Variants in ACER3 observed in about 807,000 individuals in gnomAD.
ACER3 encodes alkaline ceramidase 3.
Under a neutral mutation model 48.9 loss-of-function variants are expected in ACER3, and 16 were observed. That is an observed-to-expected ratio of 0.33 (90% confidence interval 0.22 to 0.50). The LOEUF is 0.50. ACER3 is among the 20% of genes least tolerant of loss of function. The pLI, the probability that ACER3 is intolerant of heterozygous loss-of-function variation, is 0.98. For synonymous variants in ACER3, 109 were observed against 107.8 expected (o/e 1.01, Z -0.07); for missense variants, 227 against 326.0 (o/e 0.70, Z 2.34).
intron 7 of ACER3, among the ~76,000 whole-genome samples, chr11:77,005,973 A>ATCTC: frequency 1.0e-5 from 1 of 95,246 alleles, no homozygotes; most frequent in Non-Finnish European, 1.9e-5. Flanking sequence ...ATATATATAC[A>ATCTC]TATATATATA....
intron 1 of ACER3, among the ~76,000 whole-genome samples, chr11:76,923,972 A>C (rs531187571): frequency 6.6e-6 from 1 of 152,164 alleles, no homozygotes; most frequent in African/African-American, 2.4e-5. Context: ...AGATTTCCTG[A>C]GTTCTTTCTC....
At chr11:76,918,047 A>G (rs143337113) in intron 1 of ACER3, among the ~76,000 whole-genome samples, 33 of 151,996 alleles carry the variant, frequency 2.2e-4, no homozygotes, top group Non-Finnish European at 4.7e-4. Flanking sequence ...CTTTGTTCCT[A>G]TCACTCTCTT....
At chr11:76,987,184 G>T (rs1321648027) in intron 5 of ACER3, among the ~76,000 whole-genome samples, 1 of 152,234 alleles carries the variant, frequency 6.6e-6, no homozygotes, top group Non-Finnish European at 1.5e-5. Flanking sequence ...GATTACAGGA[G>T]TATGAGACTA....
At chr11:76,929,694 G>A (rs1458826403) in intron 2 of ACER3, among the ~76,000 whole-genome samples, 5 of 152,160 alleles carry the variant, frequency 3.3e-5, no homozygotes, top group African/African-American at 4.8e-5. Context: ...GTTGAATTTC[G>A]TCAAAGGCCT....
Position 77,025,935 on chromosome 11 carries a change from A to G in ACER3, c.*5608A>G, listed in dbSNP as rs1158291441. On this transcript the variant is annotated 3_prime_UTR_variant, in exon 11 of 11. Transcript: ENST00000532485. Reference sequence around the variant, plus strand: ...AATGAAAATATGTTATTCATTTAAGACATCTCATGTCTTTGAATGTAATCA... The same window carrying G: ...AATGAAAATATGTTATTCATTTAAGGCATCTCATGTCTTTGAATGTAATCA... The G allele has an allele frequency of 6.6e-6, 1 of 152,180 alleles. No individual in the cohort carries two copies. The highest frequency in any genetic ancestry group is 2.4e-5 in the African/African-American group (1 of 41,446). 9.4% of individuals were successfully genotyped at this position (152,180 alleles called of 1,614,324 possible).
intron 7 of ACER3, among the ~76,000 whole-genome samples, chr11:77,001,280 G>A (rs1949026318): frequency 6.6e-6 from 1 of 152,028 alleles, no homozygotes; most frequent in Non-Finnish European, 1.5e-5. Context: ...TTTTGAGACA[G>A]AGTCTCGCAC....
At chr11:76,996,719 CTTTTTTTT>C (rs36108857) in intron 6 of ACER3, among the ~76,000 whole-genome samples, 1 of 138,708 alleles carries the variant, frequency 7.2e-6, no homozygotes, top group Non-Finnish European at 1.5e-5. Flanking sequence ...CCCACCCAGC[CTTTTTTTT>C]TTTTTTTTTT....
intron 1 of ACER3, among the ~76,000 whole-genome samples, chr11:76,864,596 AT>A (rs772026324): frequency 0.032 from 3,243 of 99,854 alleles, 88 homozygotes; most frequent in African/African-American, 0.1. Context: ...TGGAATGGGT[AT>A]TTTTTTTTTT....
At chr11:77,006,667 G>A (rs1304597755) in intron 7 of ACER3, among the ~76,000 whole-genome samples, 1 of 146,562 alleles carries the variant, frequency 6.8e-6, no homozygotes, top group Non-Finnish European at 1.5e-5. Flanking sequence ...CACTTCCTCT[G>A]CCCTTCACAT....
At chr11:76,861,647 A>C (rs1311558920) in intron 1 of ACER3, among the ~76,000 whole-genome samples, 1 of 152,160 alleles carries the variant, frequency 6.6e-6, no homozygotes, top group African/African-American at 2.4e-5. Flanking sequence ...CCTATCCCCC[A>C]GGATGTCTTC....
intron 7 of ACER3, among the ~76,000 whole-genome samples, chr11:77,013,619 A>C (rs1949310505): frequency 6.6e-6 from 1 of 152,172 alleles, no homozygotes; most frequent in Non-Finnish European, 1.5e-5. Flanking sequence ...ACACTTATAC[A>C]TGCCTGGTGG....
chr11:76,969,696 C>CA (rs1490078533), intron 3 of ACER3, among the ~76,000 whole-genome samples: 1 of 145,630 alleles, frequency 6.9e-6, no homozygotes, highest in Non-Finnish European at 1.5e-5. Flanking sequence ...ATCACAAGGA[C>CA]AAAAAACCAA....
At chr11:76,938,001 T>G (rs1947240625) in intron 2 of ACER3, among the ~76,000 whole-genome samples, 1 of 152,166 alleles carries the variant, frequency 6.6e-6, no homozygotes, top group African/African-American at 2.4e-5. Context: ...TTTTGTTTTT[T>G]GGGGTTGTTT....
At chr11:77,011,880 T>C (rs1949271546) in intron 7 of ACER3, among the ~76,000 whole-genome samples, 1 of 152,138 alleles carries the variant, frequency 6.6e-6, no homozygotes. Flanking sequence ...CCTATTTATG[T>C]TCTAAAACAA....
intron 7 of ACER3, among the ~76,000 whole-genome samples, chr11:77,010,859 T>C (rs144182536): frequency 1.3e-5 from 2 of 152,310 alleles, no homozygotes; most frequent in East Asian, 1.9e-4. Flanking sequence ...ATTTCTAAGC[T>C]AGAATTCTAC....
chr11:76,960,017 T>C (rs2135044065), intron 3 of ACER3, among the ~76,000 whole-genome samples: 1 of 152,270 alleles, frequency 6.6e-6, no homozygotes, highest in South Asian at 2.1e-4. Flanking sequence ...CAGAAACTTC[T>C]AGAACAGTAG....
chr11:76,990,487 C>G, intron 5 of ACER3, 52 bp from the exon 6 acceptor site: 13,258 of 955,062 alleles, frequency 0.014, no homozygotes, highest in Non-Finnish European at 0.02. Context: ...GTCGGTTTTT[C>G]CCCCCTTCAT....
chr11:76,897,973 AAGAGTTG>A (rs1424705824), intron 1 of ACER3, among the ~76,000 whole-genome samples: 2 of 152,224 alleles, frequency 1.3e-5, no homozygotes, highest in East Asian at 3.8e-4. Flanking sequence ...ATGTGCACCC[AAGAGTTG>A]AGATTTAATA....
chr11:76,975,859 A>AT lies in ACER3; in HGVS notation c.268-430_268-429insT, dbSNP rs1452738791. Among the ~76,000 whole-genome samples the AT allele has an allele frequency of 5.4e-4, 33 of 60,768 alleles. 1 individual carries two copies. The highest frequency in any genetic ancestry group is 2.4e-3 in the African/African-American group (31 of 12,856). 39.9% of individuals were successfully genotyped at this position (60,768 alleles called of 152,430 possible). On this transcript the variant is annotated intron_variant, in intron 3 of 10. Transcript: ENST00000532485. ...ATTAGTAAAAGAAATAAGAGCTGAAACCTTTTTTTCTTTTCTTTTTTTTTT... is the reference window on the plus strand; with the variant it reads ...ATTAGTAAAAGAAATAAGAGCTGAAATCCTTTTTTTCTTTTCTTTTTTTTTT...
Sources: gnomAD v4.1 joint callset for allele counts (sites outside exome capture counted in the v4.1 genomes callset) on GRCh38, gnomAD v4.1.1 for gene constraint, MANE v1.5 for transcripts, NCBI Gene and HGNC (gene_info 2026-07-23, HGNC 2026-07-21) for gene names.